The following XKR4 variants were observed in gnomAD, a reference collection of about 807,000 sequenced individuals.
The protein encoded by XKR4 is XK related 4.
In XKR4, 12 loss-of-function variants were observed where a neutral mutation model predicts 53.9. The observed-to-expected ratio is 0.22, with a 90% CI of 0.14 to 0.36. XKR4 has a LOEUF of 0.36. XKR4 is among the 10% of genes least tolerant of loss of function. The pLI, the probability that XKR4 is intolerant of heterozygous loss-of-function variation, is 1.00. For missense variants in XKR4, 799 were observed against 859.5 expected, an observed-to-expected ratio of 0.93 and a Z score of 0.88; for synonymous variants, 354 against 362.4, an observed-to-expected ratio of 0.98 and a Z score of 0.26.
chr8:55,192,311 AAGAT>A (rs1237876082), intron 1 of XKR4, among the ~76,000 whole-genome samples: 3 of 151,110 alleles, frequency 2.0e-5, no homozygotes, highest in African/African-American at 7.3e-5. Context: ...TAAAACTACT[AAGAT>A]AGAAGGGATA....
intron 1 of XKR4, among the ~76,000 whole-genome samples, chr8:55,316,766 C>A (rs1387901883): frequency 1.3e-5 from 2 of 152,098 alleles, no homozygotes; most frequent in African/African-American, 4.8e-5. Context: ...CTACCGCAAC[C>A]CCCAAGCATA....
intron 2 of XKR4, among the ~76,000 whole-genome samples, chr8:55,411,444 A>T (rs1415480087): frequency 6.6e-6 from 1 of 152,202 alleles, no homozygotes; most frequent in Non-Finnish European, 1.5e-5. Context: ...GTCAACAAGC[A>T]CTCAGTGAGT....
chr8:55,447,194 T>C (rs1805360141), intron 2 of XKR4, among the ~76,000 whole-genome samples: 1 of 152,158 alleles, frequency 6.6e-6, no homozygotes, highest in Admixed American at 6.5e-5. Flanking sequence ...AAGCTAACTG[T>C]AGGAATGTGC....
intron 2 of XKR4, among the ~76,000 whole-genome samples, chr8:55,461,494 C>CA (rs1805657362): frequency 6.6e-6 from 1 of 152,084 alleles, no homozygotes; most frequent in South Asian, 2.1e-4. Context: ...CATAAAAGAC[C>CA]AAAGGTAGAT....
chr8:55,336,579 G>A (rs1803464705), intron 1 of XKR4, among the ~76,000 whole-genome samples: 1 of 152,124 alleles, frequency 6.6e-6, no homozygotes, highest in Non-Finnish European at 1.5e-5. Context: ...AGTCACATGA[G>A]AACTCTATAT....
chr8:55,180,109 A>G (rs961468570), intron 1 of XKR4, among the ~76,000 whole-genome samples: 4 of 152,262 alleles, frequency 2.6e-5, no homozygotes, highest in Non-Finnish European at 4.4e-5. Flanking sequence ...TGAATTAAAT[A>G]CTGGTTCAAA....
chr8:55,173,608 A>G (rs574269782), intron 1 of XKR4, among the ~76,000 whole-genome samples: 1 of 152,274 alleles, frequency 6.6e-6, no homozygotes, highest in Admixed American at 6.5e-5. Context: ...CTCATCTCTG[A>G]AACCCCACTG....
chr8:55,499,103 A>G lies in XKR4; in HGVS notation c.1007-24178A>G, dbSNP rs10113146. Among the ~76,000 whole-genome samples, 127 of 152,358 alleles carry G rather than the reference A, an allele frequency of 8.3e-4. 1 individual carries two copies. Among genetic ancestry groups the G allele is most frequent in the African/African-American group, 3.0e-3 (124 of 41,586 alleles). The stretch of plus-strand genomic sequence containing the variant: ...TGGTTACTTGAGGAAACGTTAACAA[A>G]TATCTTCAGAATCCAGAAAGAATGT... On this transcript the variant is annotated intron_variant, in intron 2 of 2. Coordinates refer to ENST00000327381, the MANE Select transcript of XKR4 (RefSeq NM_052898.2).
At chr8:55,324,798 C>G (rs1803269958) in intron 1 of XKR4, among the ~76,000 whole-genome samples, 1 of 152,186 alleles carries the variant, frequency 6.6e-6, no homozygotes, top group Non-Finnish European at 1.5e-5. Context: ...AGAGTCAGCA[C>G]CAGGTTTCAA....
chr8:55,333,881 A>C (rs1299515737), intron 1 of XKR4, among the ~76,000 whole-genome samples: 1 of 152,170 alleles, frequency 6.6e-6, no homozygotes, highest in African/African-American at 2.4e-5. Context: ...GTGAGTAAAA[A>C]TGTCATGAAA....
At chr8:55,212,378 T>G (rs1009093695) in intron 1 of XKR4, among the ~76,000 whole-genome samples, 11 of 152,202 alleles carry the variant, frequency 7.2e-5, no homozygotes. Context: ...AAATACATTT[T>G]GGAGTAAAAT....
intron 2 of XKR4, among the ~76,000 whole-genome samples, chr8:55,443,571 C>A (rs1026238685): frequency 7.5e-6 from 1 of 134,012 alleles, no homozygotes; most frequent in Admixed American, 8.0e-5. Flanking sequence ...AGGAGGGGAG[C>A]AGTGGCTCAC....
chr8:55,406,671 C>T (rs1804688965), intron 2 of XKR4, among the ~76,000 whole-genome samples: 1 of 152,214 alleles, frequency 6.6e-6, no homozygotes, highest in Admixed American at 6.5e-5. Flanking sequence ...TTATTTAATG[C>T]TTCTGAGCCT....
At chr8:55,313,716 A>C (rs1385819875) in intron 1 of XKR4, among the ~76,000 whole-genome samples, 1 of 152,234 alleles carries the variant, frequency 6.6e-6, no homozygotes, top group African/African-American at 2.4e-5. Flanking sequence ...GTCAAAAGCA[A>C]CTTCGAGTCA....
intron 2 of XKR4, among the ~76,000 whole-genome samples, chr8:55,387,548 C>T (rs1414921869): frequency 1.3e-5 from 2 of 152,202 alleles, no homozygotes; most frequent in African/African-American, 2.4e-5. Context: ...CAATGACTCC[C>T]CTGCTCCATT....
chr8:55,509,157 G>A (rs891255686), intron 2 of XKR4, among the ~76,000 whole-genome samples: 8 of 151,988 alleles, frequency 5.3e-5, no homozygotes, highest in South Asian at 2.1e-4. Flanking sequence ...TCTGTCCTCC[G>A]CTGCCTGTTG....
At chr8:55,135,392 T>G (rs1816611446) in intron 1 of XKR4, 1 of 305,034 alleles carries the variant, frequency 3.3e-6, no homozygotes, top group African/African-American at 2.2e-5. Flanking sequence ...TCTTTATACA[T>G]AGTAGATATG....
chr8:55,326,465 T>C (rs559976339), intron 1 of XKR4, among the ~76,000 whole-genome samples: 1 of 132,324 alleles, frequency 7.6e-6, no homozygotes, highest in South Asian at 2.7e-4. Context: ...CTGATTTTTT[T>C]TCCTTTTTTT....
At chr8:55,232,226 T>A (rs965001800) in intron 1 of XKR4, among the ~76,000 whole-genome samples, 3 of 152,196 alleles carry the variant, frequency 2.0e-5, no homozygotes, top group African/African-American at 7.2e-5. Context: ...GAATTCTCAC[T>A]TTTGGGGTGG....
Sources: gnomAD v4.1 joint callset for allele counts (sites outside exome capture counted in the v4.1 genomes callset) on GRCh38, gnomAD v4.1.1 for gene constraint, MANE v1.5 for transcripts, NCBI Gene and HGNC (gene_info 2026-07-23, HGNC 2026-07-21) for gene names.